KCNT2: variants seen among roughly 807,000 people sequenced by gnomAD.
The protein encoded by KCNT2 is potassium channel subfamily T member 2.
Under a neutral mutation model 153.8 loss-of-function variants are expected in KCNT2, and 67 were observed. That is an observed-to-expected ratio of 0.44 (90% CI 0.36 to 0.53). KCNT2 has a LOEUF of 0.53. KCNT2 is among the 20% of genes least tolerant of loss of function. KCNT2 has a pLI of 0.00. For missense variants in KCNT2, 975 were observed against 1,354.8 expected, an observed-to-expected ratio of 0.72 and a Z score of 4.40; for synonymous variants, 500 against 458.8, an observed-to-expected ratio of 1.09 and a Z score of -1.15.
chr1:196,240,900 A>C (rs534785062), intron 26 of KCNT2, among the ~76,000 whole-genome samples: 1 of 152,166 alleles, frequency 6.6e-6, no homozygotes, highest in East Asian at 1.9e-4. Flanking sequence ...GTGTGGGACA[A>C]GTTTAAACTC....
chr1:196,259,192 T>C (rs566016480), intron 25 of KCNT2, among the ~76,000 whole-genome samples: 89 of 152,236 alleles, frequency 5.8e-4, no homozygotes, highest in Admixed American at 2.6e-3. Context: ...ACTGTAGAAT[T>C]ACAACTCAGA....
intron 12 of KCNT2, among the ~76,000 whole-genome samples, chr1:196,420,817 C>T (rs1673137979): frequency 1.3e-5 from 2 of 152,002 alleles, no homozygotes; most frequent in East Asian, 1.9e-4. Context: ...GGTGCCTAGA[C>T]TCTTAACTGT....
At chr1:196,424,980 A>C (rs1284037297) in intron 11 of KCNT2, among the ~76,000 whole-genome samples, 1 of 151,928 alleles carries the variant, frequency 6.6e-6, no homozygotes, top group Non-Finnish European at 1.5e-5. Flanking sequence ...AAAAAGTATA[A>C]AGCACTTATG....
intron 1 of KCNT2, among the ~76,000 whole-genome samples, chr1:196,530,777 C>T (rs1654833537): frequency 6.6e-6 from 1 of 151,944 alleles, no homozygotes; most frequent in Non-Finnish European, 1.5e-5. Context: ...AAGATTTAAC[C>T]ATGATTTTAC....
chr1:196,542,186 G>T (rs769749305), intron 1 of KCNT2, among the ~76,000 whole-genome samples: 1 of 151,984 alleles, frequency 6.6e-6, no homozygotes, highest in East Asian at 1.9e-4. Context: ...CCCAAAATCC[G>T]CCGAAAGTCT....
chr1:196,228,628 T>C (rs1484192202), intron 27 of KCNT2, among the ~76,000 whole-genome samples: 25 of 152,136 alleles, frequency 1.6e-4, no homozygotes, highest in Admixed American at 1.6e-3. Flanking sequence ...GTCACCATTA[T>C]TTTTCAATTA....
At chr1:196,553,423 A>G (rs1454771481) in intron 1 of KCNT2, among the ~76,000 whole-genome samples, 1 of 151,076 alleles carries the variant, frequency 6.6e-6, no homozygotes, top group Non-Finnish European at 1.5e-5. Context: ...GAAAATCAAT[A>G]AAGAAACATA....
At chr1:196,523,217 A>G (rs1184753255) in intron 1 of KCNT2, among the ~76,000 whole-genome samples, 1 of 152,198 alleles carries the variant, frequency 6.6e-6, no homozygotes, top group East Asian at 1.9e-4. Context: ...TCCTGAAGTT[A>G]GCAAGACCAC....
intron 8 of KCNT2, among the ~76,000 whole-genome samples, chr1:196,462,122 T>C (rs529690897): frequency 6.6e-6 from 1 of 151,800 alleles, no homozygotes; most frequent in Non-Finnish European, 1.5e-5. Flanking sequence ...ATATGAGAAA[T>C]ATTTCTCAAT....
chr1:196,265,966 T>C (rs536194472), intron 25 of KCNT2, among the ~76,000 whole-genome samples: 122 of 151,930 alleles, frequency 8.0e-4, no homozygotes, highest in African/African-American at 2.8e-3. Flanking sequence ...ATGAGCAGGA[T>C]AGAAAATAAA....
intron 1 of KCNT2, among the ~76,000 whole-genome samples, chr1:196,555,305 C>G (rs183660732): frequency 6.6e-6 from 1 of 151,106 alleles, no homozygotes; most frequent in Admixed American, 6.6e-5. Context: ...TCAGTAAAGT[C>G]GCAGGATACA....
intron 1 of KCNT2, among the ~76,000 whole-genome samples, chr1:196,590,040 T>C (rs1391648556): frequency 6.6e-6 from 1 of 152,126 alleles, no homozygotes; most frequent in Non-Finnish European, 1.5e-5. Flanking sequence ...AAGCCACAAC[T>C]TTACCACTAC....
At chr1:196,382,387 G>A (rs551571189) in intron 13 of KCNT2, among the ~76,000 whole-genome samples, 1 of 152,006 alleles carries the variant, frequency 6.6e-6, no homozygotes, top group Non-Finnish European at 1.5e-5. Flanking sequence ...GATTACAGAC[G>A]TGAGCCACCG....
chr1:196,335,403 A>C (rs1170728800), intron 16 of KCNT2, among the ~76,000 whole-genome samples: 1 of 152,126 alleles, frequency 6.6e-6, no homozygotes, highest in Non-Finnish European at 1.5e-5. Flanking sequence ...GGTATAGCCT[A>C]CTGCCCCTAG....
chr1:196,398,501 C>A (rs1671138911), intron 13 of KCNT2, 62 bp downstream of exon 13: 2 of 834,244 alleles, frequency 2.4e-6, no homozygotes, highest in East Asian at 5.1e-5. Flanking sequence ...AGAGACTTAA[C>A]CCTTAAGCCA....
intron 25 of KCNT2, chr1:196,258,734 TA>T: frequency 2.0e-6 from 1 of 506,642 alleles, no homozygotes; most frequent in Non-Finnish European, 3.6e-6. Context: ...TACAAATTTT[TA>T]TGAAAGTATT....
intron 14 of KCNT2, among the ~76,000 whole-genome samples, chr1:196,369,656 C>T (rs1372196562): frequency 6.6e-6 from 1 of 152,142 alleles, no homozygotes; most frequent in East Asian, 1.9e-4. Flanking sequence ...GACATGAACT[C>T]ATCCTTTTTT....
At chr1:196,445,575 A>C (rs1420756620) in intron 8 of KCNT2, among the ~76,000 whole-genome samples, 1 of 151,454 alleles carries the variant, frequency 6.6e-6, no homozygotes. Flanking sequence ...TTCAATTCTT[A>C]AAGTGTAATA....
chr1:196,313,767 G>T (rs1177775983), intron 21 of KCNT2, among the ~76,000 whole-genome samples: 2 of 151,554 alleles, frequency 1.3e-5, no homozygotes, highest in Non-Finnish European at 3.0e-5. Context: ...AGAAAGGAAA[G>T]AACAGAGGTA....
Sources: allele counts gnomAD v4.1 joint callset (sites outside exome capture counted in the v4.1 genomes callset), GRCh38; gene constraint gnomAD v4.1.1; transcripts MANE v1.5; gene names NCBI Gene and HGNC (gene_info 2026-07-23, HGNC 2026-07-21).